The following IDO1 variants were observed in gnomAD, a reference collection of about 807,000 sequenced individuals.
IDO1 encodes the protein indoleamine 2,3-dioxygenase 1.
A neutral mutation model predicts 38.8 loss-of-function variants in IDO1; 35 were observed. The ratio of observed to expected loss-of-function variants is 0.90; its 90% CI spans 0.69 to 1.20. The LOEUF (loss-of-function observed/expected upper bound fraction) is 1.20, where lower values mean the gene tolerates loss of function less well. Among genes scored for constraint, IDO1 ranks in the 50% most tolerant of loss-of-function variants. The pLI is 0.00. For missense variants in IDO1, 509 were observed against 485.1 expected (o/e 1.05, Z -0.46); for synonymous variants, 171 against 170.0 (o/e 1.01, Z -0.05).
At chr8:39,922,900 C>T in intron 6 of IDO1, 4 of 497,864 alleles carry the variant, frequency 8.0e-6, no homozygotes, top group Non-Finnish European at 1.1e-5. Flanking sequence ...TAAAATCTGG[C>T]TTTGGAACTA....
At chr8:39,927,089 TG>T (rs1807371812) in intron 9 of IDO1, among the ~76,000 whole-genome samples, 1 of 152,232 alleles carries the variant, frequency 6.6e-6, no homozygotes, top group Non-Finnish European at 1.5e-5. Flanking sequence ...ACATTTTCTT[TG>T]TCCCATCTAC....
chr8:39,915,164 T>C (rs1807156620), intron 1 of IDO1, among the ~76,000 whole-genome samples: 1 of 152,190 alleles, frequency 6.6e-6, no homozygotes, highest in African/African-American at 2.4e-5. Flanking sequence ...CAGAGGCCAG[T>C]ATGAGCCTAA....
intron 5 of IDO1, 68 bp downstream of exon 5, chr8:39,920,182 A>G (rs377110582): frequency 2.4e-6 from 3 of 1,240,354 alleles, no homozygotes; most frequent in Non-Finnish European, 3.5e-6. Flanking sequence ...AGGTTTATCA[A>G]TAGACTCCAA....
intron 1 of IDO1, among the ~76,000 whole-genome samples, chr8:39,914,414 C>T (rs80258947): frequency 2.0e-5 from 3 of 152,280 alleles, no homozygotes; most frequent in East Asian, 3.9e-4. Context: ...AGGGATATAA[C>T]TTAAATTATG....
intron 3 of IDO1, 37 bp downstream of exon 3, chr8:39,918,244 C>T: frequency 6.3e-7 from 1 of 1,586,554 alleles, no homozygotes; most frequent in Non-Finnish European, 8.6e-7. Flanking sequence ...TGCTATGTGA[C>T]AGATTTTCAT....
At chr8:39,925,188 A>G (rs1807340497) in intron 8 of IDO1, 35 bp from the exon 9 acceptor site, 1 of 1,545,538 alleles carries the variant, frequency 6.5e-7, no homozygotes, top group Non-Finnish European at 8.7e-7. Flanking sequence ...AACCTAAAGA[A>G]TGATTTTTCT....
In IDO1 at chr8:39,928,226, CT is replaced by C; in HGVS notation, c.*42del. On this transcript the variant is annotated 3_prime_UTR_variant, in exon 10 of 10. Coordinates refer to ENST00000518237, the MANE Select transcript of IDO1 (RefSeq NM_002164.6). ...GCACATTTTATCATAGCAGAGACAT[CT>C]GTATGCATTCCTGTCATTACCCATT... The C allele has an allele frequency of 1.5e-6, 2 of 1,360,578 alleles. No homozygotes were observed. The highest frequency in any genetic ancestry group is 2.0e-6 in the Non-Finnish European group (2 of 978,176). 84.3% of individuals were successfully genotyped at this position (1,360,578 alleles called of 1,614,324 possible). A position where few individuals can be genotyped will look rare whatever the true frequency, so the allele number is the denominator to read the frequency against.
At chr8:39,915,104 A>G (rs1807153719) in intron 1 of IDO1, among the ~76,000 whole-genome samples, 2 of 152,160 alleles carry the variant, frequency 1.3e-5, no homozygotes, top group Admixed American at 1.3e-4. Flanking sequence ...CCTAATGAGA[A>G]GTATAAGGCA....
Position 39,921,431 on chromosome 8 carries a change from C to T in IDO1, c.438-1121C>T, listed in dbSNP as rs555675319. On this transcript the variant is annotated intron_variant, in intron 5 of 9. Transcript: ENST00000518237. ...TTGTGCCATTGCACTCCAGCCTGGGCGACAGAGTAAGACCCCATCTCAAAA... is the reference window on the plus strand; with the variant it reads ...TTGTGCCATTGCACTCCAGCCTGGGTGACAGAGTAAGACCCCATCTCAAAA... Among the ~76,000 whole-genome samples the T allele has an allele frequency of 1.5e-4, 22 of 151,710 alleles. No homozygotes were observed. In the East Asian group the frequency reaches 3.1e-3, roughly 21 times the overall value.
chr8:39,915,030 G>A (rs1043913745), intron 1 of IDO1, among the ~76,000 whole-genome samples: 12 of 152,316 alleles, frequency 7.9e-5, no homozygotes, highest in Non-Finnish European at 1.5e-4. Flanking sequence ...GCCTCCCAAA[G>A]TGCTAGGATT....
intron 3 of IDO1, chr8:39,918,521 G>T (rs1461022635): frequency 2.2e-6 from 1 of 457,690 alleles, no homozygotes; most frequent in East Asian, 4.1e-5. Flanking sequence ...CAAGGCCGGA[G>T]GATCACCTGA....
chr8:39,916,252 G>T (rs1258373884), intron 1 of IDO1, among the ~76,000 whole-genome samples: 7 of 151,292 alleles, frequency 4.6e-5, no homozygotes, highest in Non-Finnish European at 1.0e-4. Context: ...AAGGTGGGTG[G>T]ATCACTTGAG....
At chr8:39,923,401 CTCAA>C (rs1241728873) in intron 6 of IDO1, 64 bp from the exon 7 acceptor site, 1 of 743,770 alleles carries the variant, frequency 1.3e-6, no homozygotes, top group African/African-American at 4.6e-5. Context: ...GAGACTCCGT[CTCAA>C]AAAAAAAAAA....
In IDO1 at chr8:39,913,999, C is replaced by T; in HGVS notation, c.77C>T (p.Pro26Leu). The T allele has an allele frequency of 6.4e-7, 1 of 1,566,790 alleles. No homozygotes were observed. Among genetic ancestry groups the T allele is most frequent in the East Asian group, 2.3e-5 (1 of 42,600 alleles). ...HIDEEVGFALPNPQENLPDFY... is the reference protein window; with the variant it reads ...HIDEEVGFALLNPQENLPDFY... ...GATGAAGAAGTGGGCTTTGCTCTGC[C>T]AAATCCACAGGTAAGAGAAGGCAGT... Residue 26 changes from proline (P) to leucine (L), a missense_variant, in exon 1 of 10, where the codon CCA (proline) becomes CTA (leucine). By Grantham distance (98) the Pro-to-Leu change is moderately conservative. Coordinates refer to ENST00000518237, the MANE Select transcript of IDO1 (RefSeq NM_002164.6).
Position 39,923,454 on chromosome 8 carries a change from G to T in IDO1, c.538-15G>T, listed in dbSNP as rs1432326484. The stretch of plus-strand genomic sequence containing the variant: ...AGAAAACCTTAAATGTTTGTGTTTT[G>T]TTTGTTTGTTTTAGGTAATTCCTAC... On this transcript the variant is annotated splice_polypyrimidine_tract_variant and intron_variant, in intron 6 of 9. Coordinates refer to ENST00000518237, the MANE Select transcript of IDO1 (RefSeq NM_002164.6). 11 of 1,323,802 alleles carry T rather than the reference G, an allele frequency of 8.3e-6. No individual in the cohort carries two copies. Among genetic ancestry groups the T allele is most frequent in the South Asian group, 2.4e-5 (2 of 83,424 alleles). 82.0% of individuals were successfully genotyped at this position (1,323,802 alleles called of 1,614,324 possible).
chr8:39,922,443 C>G, intron 5 of IDO1, 109 bp from the exon 6 acceptor site: 1 of 724,062 alleles, frequency 1.4e-6, no homozygotes, highest in East Asian at 2.7e-5. Context: ...AGGCCTGCCA[C>G]ACCTCTCTCA....
chr8:39,917,864 T>C lies in IDO1; in HGVS notation c.88-11T>C. 1 of 1,570,298 alleles carries C rather than the reference T, an allele frequency of 6.4e-7. No homozygotes were observed. Among genetic ancestry groups the C allele is most frequent in the East Asian group, 2.2e-5 (1 of 44,702 alleles). On this transcript the variant is annotated splice_polypyrimidine_tract_variant and intron_variant, in intron 1 of 9. Coordinates refer to ENST00000518237, the MANE Select transcript of IDO1 (RefSeq NM_002164.6). ...GCTACTACTAAATAAAGATCTTTTT[T>C]TTTTTTCAAGGAAAATCTACCTGAT...
intron 6 of IDO1, 41 bp downstream of exon 6, chr8:39,922,692 G>C (rs761902263): frequency 7.5e-7 from 1 of 1,335,454 alleles, no homozygotes; most frequent in Admixed American, 1.7e-5. Context: ...GTCAATTTAC[G>C]TAAGCAGAGC....
chr8:39,918,068 A>G lies in IDO1; in HGVS notation c.184-20A>G, dbSNP rs116580171. On this transcript the variant is annotated intron_variant, in intron 2 of 9. Coordinates refer to ENST00000518237, the MANE Select transcript of IDO1 (RefSeq NM_002164.6). ...ACATTACTGAGATTGATTTGAGTCA[A>G]TTGCTCCATTTGTTTTCAGTTAAAC... 1.4e-3 allele frequency: 2,258 copies of G among 1,613,730 alleles called. 31 individuals are homozygous for G. In the African/African-American group the frequency reaches 0.028, roughly 20 times the overall value.
Sources: gnomAD v4.1 joint callset for allele counts (sites outside exome capture counted in the v4.1 genomes callset) on GRCh38, gnomAD v4.1.1 for gene constraint, MANE v1.5 for transcripts, NCBI Gene and HGNC (gene_info 2026-07-23, HGNC 2026-07-21) for gene names.